Variants in KCNMA1 observed in about 807,000 individuals in gnomAD.
KCNMA1 encodes the protein potassium calcium-activated channel subfamily M alpha 1.
A neutral mutation model predicts 140.0 loss-of-function variants in KCNMA1; 29 were observed. The observed-to-expected ratio is 0.21, with a 90% CI of 0.15 to 0.28. KCNMA1 has a LOEUF of 0.28. Among genes scored for constraint, KCNMA1 ranks in the 10% least tolerant of loss-of-function variants. KCNMA1 has a pLI of 1.00. For missense variants in KCNMA1, 880 were observed against 1,602.2 expected (o/e 0.55, Z 7.70); for synonymous variants, 612 against 611.9 (o/e 1.00, Z 0.00).
chr10:77,538,468 C>T (rs1278229759), intron 1 of KCNMA1, among the ~76,000 whole-genome samples: 2 of 152,132 alleles, frequency 1.3e-5, no homozygotes, highest in African/African-American at 4.8e-5. Flanking sequence ...GCTTTCATTG[C>T]CATCATTACC....
At chr10:77,237,845 G>C (rs1159303444) in intron 3 of KCNMA1, among the ~76,000 whole-genome samples, 1 of 152,186 alleles carries the variant, frequency 6.6e-6, no homozygotes, top group Non-Finnish European at 1.5e-5. Flanking sequence ...GGCTCAAAGA[G>C]GAGGGAGTTG....
At chr10:77,064,280 T>C (rs2095856201) in intron 14 of KCNMA1, 1 of 184,334 alleles carries the variant, frequency 5.4e-6, no homozygotes, top group African/African-American at 2.4e-5. Flanking sequence ...TTAAATGTGT[T>C]CCCTGTCACC....
At chr10:77,467,172 C>T (rs1193046816) in intron 1 of KCNMA1, among the ~76,000 whole-genome samples, 1 of 152,010 alleles carries the variant, frequency 6.6e-6, no homozygotes, top group African/African-American at 2.4e-5. Context: ...ATAGATTCAC[C>T]AGTTTTTAAA....
At chr10:77,027,960 T>C in intron 15 of KCNMA1, 69 bp from the exon 16 acceptor site, 3 of 1,349,208 alleles carry the variant, frequency 2.2e-6, no homozygotes, top group Non-Finnish European at 3.2e-6. Flanking sequence ...CACACACTAT[T>C]ACGATCTTTC....
intron 1 of KCNMA1, among the ~76,000 whole-genome samples, chr10:77,618,998 G>A (rs1199003870): frequency 4.6e-5 from 7 of 152,212 alleles, no homozygotes; most frequent in Non-Finnish European, 8.8e-5. Flanking sequence ...GAAGTCCTAA[G>A]TGGCTGGGTG....
rs550685777 is a variant in KCNMA1 at position 77,065,856 on chromosome 10, T to G, written c.1749+7241A>C. Among the ~76,000 whole-genome samples the G allele has an allele frequency of 8.5e-5, 13 of 152,170 alleles. No individual in the cohort carries two copies. In the South Asian group the frequency reaches 2.5e-3, roughly 29 times the overall value. On this transcript the variant is annotated intron_variant, in intron 14 of 27. Transcript: ENST00000286628. Reference sequence around the variant, plus strand: ...TTAGAGGAAAGACTCAACTGAGAAATTAATATTAAGCAAAGACAACAAGAG... The same window carrying G: ...TTAGAGGAAAGACTCAACTGAGAAAGTAATATTAAGCAAAGACAACAAGAG...
intron 3 of KCNMA1, among the ~76,000 whole-genome samples, chr10:77,186,942 T>C (rs1404530793): frequency 6.6e-6 from 1 of 152,038 alleles, no homozygotes; most frequent in Non-Finnish European, 1.5e-5. Flanking sequence ...GATTGATGTA[T>C]ACGCAGTCAA....
At chr10:77,414,626 G>A (rs2096696635) in intron 1 of KCNMA1, among the ~76,000 whole-genome samples, 1 of 152,066 alleles carries the variant, frequency 6.6e-6, no homozygotes, top group African/African-American at 2.4e-5. Flanking sequence ...AGGTAGCTGG[G>A]ATTACAGGCA....
chr10:77,120,408 C>A (rs1313234356), intron 6 of KCNMA1, among the ~76,000 whole-genome samples: 1 of 152,080 alleles, frequency 6.6e-6, no homozygotes, highest in Non-Finnish European at 1.5e-5. Context: ...GGTTTTCCCC[C>A]AAAAGGCAAT....
intron 2 of KCNMA1, among the ~76,000 whole-genome samples, chr10:77,395,682 G>A (rs1055928757): frequency 2.6e-5 from 4 of 152,198 alleles, no homozygotes; most frequent in South Asian, 2.1e-4. Flanking sequence ...ATTTTTATCC[G>A]GGAACAATTC....
rs1218411521 is a variant in KCNMA1 at position 77,184,808 on chromosome 10, G to A, written c.696+15C>T. 1 of 1,523,654 alleles carries A rather than the reference G, an allele frequency of 6.6e-7. No individual in the cohort carries two copies. Among genetic ancestry groups the A allele is most frequent in the African/African-American group, 1.4e-5 (1 of 72,608 alleles). 94.4% of individuals were successfully genotyped at this position (1,523,654 alleles called of 1,614,324 possible). ...ACACCCCATTGTGATACTGAACAAT[G>A]TTGCACAAACTTACCCGCAAGCCGA... On this transcript the variant is annotated intron_variant, in intron 4 of 27. Coordinates refer to ENST00000286628, the MANE Select transcript of KCNMA1 (RefSeq NM_001161352.2).
intron 5 of KCNMA1, among the ~76,000 whole-genome samples, chr10:77,134,581 A>G (rs1254203077): frequency 6.6e-6 from 1 of 152,178 alleles, no homozygotes; most frequent in East Asian, 1.9e-4. Flanking sequence ...AAAGAGCCCC[A>G]TGACAACGGT....
At chr10:77,513,704 T>C (rs2049245951) in intron 1 of KCNMA1, among the ~76,000 whole-genome samples, 2 of 152,226 alleles carry the variant, frequency 1.3e-5, no homozygotes, top group South Asian at 4.1e-4. Flanking sequence ...TTGTTAAATA[T>C]GTGAGGCCAC....
Position 77,135,805 on chromosome 10 carries a change from G to A in KCNMA1, c.809-14757C>T, listed in dbSNP as rs140202500. On this transcript the variant is annotated intron_variant, in intron 5 of 27. Transcript: ENST00000286628. Reference sequence around the variant, plus strand: ...ATCTCATAGAAAGAGGGGCTGGGGCGGTTGGAGGGAAGGGTGGTTGGGTAG... The same window carrying A: ...ATCTCATAGAAAGAGGGGCTGGGGCAGTTGGAGGGAAGGGTGGTTGGGTAG... 7.0e-3 allele frequency among the ~76,000 whole-genome samples: 1,070 copies of A among 152,248 alleles called. 19 individuals are homozygous for A. The highest frequency in any genetic ancestry group is 5.4e-3 in the Non-Finnish European group (364 of 68,028).
At chr10:77,463,384 C>A (rs755311132) in intron 1 of KCNMA1, among the ~76,000 whole-genome samples, 30 of 152,106 alleles carry the variant, frequency 2.0e-4, no homozygotes, top group Non-Finnish European at 3.5e-4. Flanking sequence ...GGGTGAATAA[C>A]CTTTGCCTCC....
intron 20 of KCNMA1, among the ~76,000 whole-genome samples, chr10:76,966,816 T>C (rs746950548): frequency 5.3e-5 from 8 of 152,184 alleles, no homozygotes; most frequent in Admixed American, 3.9e-4. Context: ...TTATCCATCA[T>C]TACACGTGTG....
chr10:77,507,572 T>A (rs1403111074), intron 1 of KCNMA1, among the ~76,000 whole-genome samples: 2 of 152,194 alleles, frequency 1.3e-5, no homozygotes, highest in Non-Finnish European at 2.9e-5. Flanking sequence ...AGAGTGCCAA[T>A]CAGCCCTGTC....
chr10:77,013,806 A>C (rs2091410978), intron 17 of KCNMA1, among the ~76,000 whole-genome samples: 1 of 152,216 alleles, frequency 6.6e-6, no homozygotes, highest in South Asian at 2.1e-4. Flanking sequence ...GACCTGCCCA[A>C]GGCCACACAG....
chr10:77,438,282 G>A (rs985343660), intron 1 of KCNMA1, among the ~76,000 whole-genome samples: 2 of 152,212 alleles, frequency 1.3e-5, no homozygotes, highest in Admixed American at 6.5e-5. Flanking sequence ...TCTAAAAAAC[G>A]TAGTACCAAG....
Sources: allele counts gnomAD v4.1 joint callset (sites outside exome capture counted in the v4.1 genomes callset), GRCh38; gene constraint gnomAD v4.1.1; transcripts MANE v1.5; gene names NCBI Gene and HGNC (gene_info 2026-07-23, HGNC 2026-07-21).